The following IGSF11 variants were observed in gnomAD, a reference collection of about 807,000 sequenced individuals.
The protein encoded by IGSF11 is CXADR like 1.
In IGSF11, 22 loss-of-function variants were observed where a neutral mutation model predicts 41.0. The ratio of observed to expected loss-of-function variants is 0.54; its 90% confidence interval spans 0.38 to 0.77. IGSF11 has a LOEUF of 0.77. IGSF11 is among the 30% of genes least tolerant of loss of function. The probability of loss-of-function intolerance (pLI) is 0.00; values close to 1 mark genes in which losing one functional copy is unlikely to be tolerated. For missense variants in IGSF11, 444 were observed against 530.8 expected (o/e 0.84, Z 1.61); for synonymous variants, 219 against 201.3 (o/e 1.09, Z -0.74).
In IGSF11 at chr3:118,925,049, A is replaced by G. The variant is rs565370888; in HGVS notation, c.580+1052T>C. ...ATTTAGCAATGAACAACAGTATTGC[A>G]GGAATCACTCTTAAAGTAATAAAAG... On this transcript the variant is annotated intron_variant, in intron 4 of 6. Coordinates refer to ENST00000393775, the MANE Select transcript of IGSF11 (RefSeq NM_001015887.3). Among the ~76,000 whole-genome samples the G allele has an allele frequency of 1.6e-4, 24 of 152,358 alleles. No homozygotes were observed. In the East Asian group the frequency reaches 3.9e-3, roughly 24 times the overall value.
chr3:119,126,121 T>G (rs1396297681), intron 1 of IGSF11, among the ~76,000 whole-genome samples: 1 of 152,224 alleles, frequency 6.6e-6, no homozygotes, highest in Non-Finnish European at 1.5e-5. Flanking sequence ...CTGCCTAACA[T>G]GCTCCCTGCG....
chr3:119,127,525 C>T (rs1302888655), intron 1 of IGSF11, among the ~76,000 whole-genome samples: 1 of 151,982 alleles, frequency 6.6e-6, no homozygotes, highest in Non-Finnish European at 1.5e-5. Context: ...CCAACTTTGC[C>T]AACATGCAAA....
upstream of IGSF11, among the ~76,000 whole-genome samples, chr3:119,039,122 G>A (rs563832551): frequency 5.5e-4 from 83 of 152,270 alleles, no homozygotes; most frequent in Non-Finnish European, 9.4e-4. Context: ...AGTCCTTACT[G>A]TAAATGACAG....
At chr3:118,986,848 A>C (rs1425521912) in intron 1 of IGSF11, among the ~76,000 whole-genome samples, 1 of 152,244 alleles carries the variant, frequency 6.6e-6, no homozygotes, top group East Asian at 1.9e-4. Context: ...AAAATTTTCT[A>C]AGTTCTCCTC....
intron 4 of IGSF11, among the ~76,000 whole-genome samples, chr3:118,912,986 C>T (rs1051556822): frequency 4.0e-5 from 6 of 151,444 alleles, no homozygotes; most frequent in African/African-American, 7.3e-5. Flanking sequence ...GATGACAGAA[C>T]GAGACTCCAT....
intron 1 of IGSF11, among the ~76,000 whole-genome samples, chr3:119,070,636 G>T (rs1438791961): frequency 1.3e-5 from 2 of 151,838 alleles, no homozygotes; most frequent in Non-Finnish European, 2.9e-5. Flanking sequence ...GTTTTTTGTT[G>T]TTGTTGATGT....
At chr3:119,124,966 C>T (rs570698306) in intron 1 of IGSF11, among the ~76,000 whole-genome samples, 98 of 152,168 alleles carry the variant, frequency 6.4e-4, no homozygotes, top group Non-Finnish European at 1.2e-3. Context: ...TGGCAGCAGA[C>T]TTTTCAGTGG....
At chr3:119,023,061 A>G (rs762967615) in intron 1 of IGSF11, among the ~76,000 whole-genome samples, 42 of 152,104 alleles carry the variant, frequency 2.8e-4, no homozygotes, top group Non-Finnish European at 7.4e-5. Context: ...CAGGAGTATG[A>G]GACCAGCCTG....
At chr3:118,914,457 T>C (rs2107496177) in intron 4 of IGSF11, among the ~76,000 whole-genome samples, 1 of 150,500 alleles carries the variant, frequency 6.6e-6, no homozygotes, top group South Asian at 2.2e-4. Context: ...GCGCAAGGGG[T>C]CAGGGAGTTC....
intron 1 of IGSF11, among the ~76,000 whole-genome samples, chr3:119,050,542 T>C (rs1197003745): frequency 6.6e-6 from 1 of 151,684 alleles, no homozygotes; most frequent in Non-Finnish European, 1.5e-5. Flanking sequence ...TTTTACACTG[T>C]TAGTGGGACT....
At chr3:119,021,855 C>T (rs766677594) in intron 1 of IGSF11, among the ~76,000 whole-genome samples, 1 of 152,088 alleles carries the variant, frequency 6.6e-6, no homozygotes, top group Non-Finnish European at 1.5e-5. Context: ...AACTTCTGTT[C>T]TTTAAAAGAC....
intron 1 of IGSF11, among the ~76,000 whole-genome samples, chr3:119,085,901 G>A (rs2076663244): frequency 1.3e-5 from 2 of 152,170 alleles, no homozygotes; most frequent in South Asian, 2.1e-4. Flanking sequence ...ATGAATGAAG[G>A]GTTTTATTGA....
intron 1 of IGSF11, among the ~76,000 whole-genome samples, chr3:119,098,402 C>T (rs981134018): frequency 6.6e-6 from 1 of 152,122 alleles, no homozygotes; most frequent in Non-Finnish European, 1.5e-5. Flanking sequence ...TGTCTTATAA[C>T]ATATTTGCAT....
At chr3:118,954,400 G>T (rs1403514168) in intron 1 of IGSF11, among the ~76,000 whole-genome samples, 2 of 151,912 alleles carry the variant, frequency 1.3e-5, no homozygotes, top group Non-Finnish European at 2.9e-5. Flanking sequence ...TTTTTGGGGG[G>T]TTCCATATAA....
At chr3:119,074,691 A>C (rs2076462392) in intron 1 of IGSF11, among the ~76,000 whole-genome samples, 1 of 151,694 alleles carries the variant, frequency 6.6e-6, no homozygotes, top group South Asian at 2.1e-4. Flanking sequence ...TCTCTACTAA[A>C]AATACAAAAA....
At chr3:119,107,275 C>A (rs1318919173), upstream of IGSF11, among the ~76,000 whole-genome samples, 2 of 152,214 alleles carry the variant, frequency 1.3e-5, no homozygotes, top group African/African-American at 4.8e-5. Context: ...TCAATGATCA[C>A]CATTCTAACT....
At chr3:119,108,708 T>C (rs2077083105), upstream of IGSF11, among the ~76,000 whole-genome samples, 1 of 139,312 alleles carries the variant, frequency 7.2e-6, no homozygotes, top group Non-Finnish European at 1.6e-5. Context: ...CCATTCAGTA[T>C]GATATTGGCT....
At chr3:119,074,843 C>T (rs1465155429) in intron 1 of IGSF11, among the ~76,000 whole-genome samples, 1 of 151,896 alleles carries the variant, frequency 6.6e-6, no homozygotes, top group African/African-American at 2.4e-5. Context: ...CAGAGCGAGA[C>T]TCCGTCTCAA....
intron 1 of IGSF11, among the ~76,000 whole-genome samples, chr3:118,959,328 A>C (rs1161379921): frequency 6.6e-6 from 1 of 152,218 alleles, no homozygotes; most frequent in African/African-American, 2.4e-5. Context: ...GAAGAGATAG[A>C]CATGGCTTGG....
Sources: allele counts gnomAD v4.1 joint callset (sites outside exome capture counted in the v4.1 genomes callset), GRCh38; gene constraint gnomAD v4.1.1; transcripts MANE v1.5; gene names NCBI Gene and HGNC (gene_info 2026-07-23, HGNC 2026-07-21).